The following TMEM132D variants were observed in gnomAD, a reference collection of about 807,000 sequenced individuals.
TMEM132D encodes mature OL transmembrane protein.
Under a neutral mutation model 62.3 loss-of-function variants are expected in TMEM132D, and 21 were observed. The ratio of observed to expected loss-of-function variants is 0.34; its 90% confidence interval spans 0.24 to 0.49. The LOEUF (loss-of-function observed/expected upper bound fraction) is 0.49, where lower values mean the gene tolerates loss of function less well. Ranked by LOEUF, TMEM132D falls within the 20% of genes least tolerant of loss-of-function variation. The pLI is 0.99. For missense variants in TMEM132D, 1,346 were observed against 1,402.8 expected, an observed-to-expected ratio of 0.96 and a Z score of 0.65; for synonymous variants, 621 against 575.6, an observed-to-expected ratio of 1.08 and a Z score of -1.13.
Position 129,779,329 on chromosome 12 carries a change from C to T in TMEM132D, c.80-78631G>A, listed in dbSNP as rs1042616356. Among the ~76,000 whole-genome samples, 1 of 152,188 alleles carries T rather than the reference C, an allele frequency of 6.6e-6. No homozygotes were observed. Among genetic ancestry groups the T allele is most frequent in the Non-Finnish European group, 1.5e-5 (1 of 68,040 alleles). On this transcript the variant is annotated intron_variant, in intron 1 of 8. Coordinates refer to ENST00000422113, the MANE Select transcript of TMEM132D (RefSeq NM_133448.3). The surrounding 1 kb of genome is among the most constrained non-coding windows in gnomAD (Gnocchi z 4.1). ...TTTGAGACAGGGTCTCACTTTGTCG[C>T]CCAGGCTGGAGAGCAGTGGTGTTAT...
intron 4 of TMEM132D, among the ~76,000 whole-genome samples, chr12:129,271,781 G>A (rs570022198): frequency 2.0e-5 from 3 of 151,934 alleles, no homozygotes; most frequent in East Asian, 3.9e-4. Context: ...TGGTATATGT[G>A]TGCCACATTT....
At position 129,346,681 on chromosome 12, in the gene TMEM132D, TC is replaced by T. The variant is rs1331980362; in HGVS notation, c.1116-8865del. On this transcript the variant is annotated intron_variant, in intron 3 of 8. Coordinates refer to ENST00000422113, the MANE Select transcript of TMEM132D (RefSeq NM_133448.3). ...GGATGTCCTCTCTCACCACTCCTAT[TC>T]AACACAGTATTGGAAGTTCTGGCCA... Among the ~76,000 whole-genome samples, 13 of 152,230 alleles carry T rather than the reference TC, an allele frequency of 8.5e-5. No homozygotes were observed. The East Asian group carries it at 2.5e-3, about 29-fold the overall frequency.
chr12:129,831,490 T>A (rs923515955), intron 1 of TMEM132D, among the ~76,000 whole-genome samples: 9 of 152,194 alleles, frequency 5.9e-5, no homozygotes, highest in Non-Finnish European at 1.2e-4. Context: ...TGATCCCGGA[T>A]GGGGATTATG....
intron 3 of TMEM132D, among the ~76,000 whole-genome samples, chr12:129,504,384 T>C (rs1875267134): frequency 6.6e-6 from 1 of 152,214 alleles, no homozygotes. Flanking sequence ...CTGAACTATT[T>C]TCTTGGTAAT....
intron 5 of TMEM132D, among the ~76,000 whole-genome samples, chr12:129,106,750 C>T (rs775645624): frequency 2.5e-4 from 38 of 152,256 alleles, no homozygotes; most frequent in Admixed American, 4.6e-4. Flanking sequence ...GGAGTAGAAG[C>T]GATGGGTGTC....
intron 3 of TMEM132D, 45 bp from the exon 4 acceptor site, chr12:129,337,862 G>A (rs926052625): frequency 6.5e-7 from 1 of 1,537,458 alleles, no homozygotes; most frequent in Non-Finnish European, 8.7e-7. Context: ...GGACTGATGA[G>A]GTATGGCACG....
At chr12:129,760,188 T>G (rs185479481) in intron 1 of TMEM132D, among the ~76,000 whole-genome samples, 1 of 152,248 alleles carries the variant, frequency 6.6e-6, no homozygotes, top group Non-Finnish European at 1.5e-5. Context: ...ATTACAGGCA[T>G]GAGCCACTGT....
At chr12:129,670,921 A>G (rs898102659) in intron 2 of TMEM132D, among the ~76,000 whole-genome samples, 1 of 152,202 alleles carries the variant, frequency 6.6e-6, no homozygotes, top group Non-Finnish European at 1.5e-5. Context: ...GGGAGGATAT[A>G]CATATTTACA....
At chr12:129,250,730 T>A (rs1453039902) in intron 4 of TMEM132D, among the ~76,000 whole-genome samples, 1 of 152,192 alleles carries the variant, frequency 6.6e-6, no homozygotes, top group East Asian at 1.9e-4. Flanking sequence ...CTGGGGAGGA[T>A]GACCAAGCCC....
At chr12:129,246,771 A>G (rs1880129315) in intron 4 of TMEM132D, among the ~76,000 whole-genome samples, 1 of 151,708 alleles carries the variant, frequency 6.6e-6, no homozygotes. Flanking sequence ...ATCTCAAAAA[A>G]AAAAAAAAGA....
chr12:129,711,144 T>C (rs1214573488), intron 1 of TMEM132D, among the ~76,000 whole-genome samples: 2 of 152,226 alleles, frequency 1.3e-5, no homozygotes, highest in Non-Finnish European at 2.9e-5. Flanking sequence ...TAACGCTTCA[T>C]TGGCCCCCTA....
At chr12:129,428,793 A>G (rs1324788484) in intron 3 of TMEM132D, among the ~76,000 whole-genome samples, 1 of 152,252 alleles carries the variant, frequency 6.6e-6, no homozygotes, top group Non-Finnish European at 1.5e-5. Flanking sequence ...GATGAGAACC[A>G]TGAATTAATA....
intron 2 of TMEM132D, among the ~76,000 whole-genome samples, chr12:129,632,078 G>A (rs1242536128): frequency 2.0e-5 from 3 of 152,164 alleles, no homozygotes; most frequent in Non-Finnish European, 2.9e-5. Context: ...ACATAAATAC[G>A]CTAGGACTAG....
intron 3 of TMEM132D, among the ~76,000 whole-genome samples, chr12:129,382,954 G>T (rs138936398): frequency 6.6e-6 from 1 of 152,232 alleles, no homozygotes; most frequent in African/African-American, 2.4e-5. Context: ...TAGTGGCAGA[G>T]GACATAACCC....
intron 3 of TMEM132D, among the ~76,000 whole-genome samples, chr12:129,516,058 T>C (rs1232162021): frequency 6.6e-6 from 1 of 152,192 alleles, no homozygotes; most frequent in East Asian, 1.9e-4. Context: ...TGCATTCACT[T>C]CCTCCATCCT....
intron 1 of TMEM132D, among the ~76,000 whole-genome samples, chr12:129,887,110 T>A (rs1002253988): frequency 2.6e-5 from 4 of 152,182 alleles, no homozygotes; most frequent in Admixed American, 2.6e-4. Flanking sequence ...GATCTGAGTA[T>A]AGAGAACTAT....
Position 129,209,634 on chromosome 12 carries a change from G to A in TMEM132D, c.1329C>T (p.Leu443=), listed in dbSNP as rs1878967506. 6 of 1,614,170 alleles carry A rather than the reference G, an allele frequency of 3.7e-6. No homozygotes were observed. Among genetic ancestry groups the A allele is most frequent in the Non-Finnish European group, 5.1e-6 (6 of 1,180,036 alleles). ...MEAEILNTAI[L]TGKTVAVPVK... is the part of the protein sequence containing the mutation. Reference sequence around the variant, plus strand: ...CCGGGACGGCCACCGTCTTCCCCGTGAGGATGGCTGTGTTCAGGATTTCTG... The same window carrying A: ...CCGGGACGGCCACCGTCTTCCCCGTAAGGATGGCTGTGTTCAGGATTTCTG... The change falls in exon 5 of 9, where the codon CTC becomes CTT. Residue 443 remains leucine (L), a synonymous_variant. Transcript: ENST00000422113.
At chr12:129,157,163 C>A (rs919435983) in intron 5 of TMEM132D, among the ~76,000 whole-genome samples, 6 of 151,962 alleles carry the variant, frequency 3.9e-5, no homozygotes, top group Admixed American at 2.0e-4. Flanking sequence ...TCACTCCCAT[C>A]ATAACTAGCC....
At chr12:129,611,867 C>T (rs1174741224) in intron 2 of TMEM132D, among the ~76,000 whole-genome samples, 2 of 152,150 alleles carry the variant, frequency 1.3e-5, no homozygotes, top group Non-Finnish European at 2.9e-5. Context: ...GACTGTCTTC[C>T]AGCCCCTTCC....
Sources: gnomAD v4.1 joint callset for allele counts (sites outside exome capture counted in the v4.1 genomes callset) on GRCh38, gnomAD v4.1.1 for gene constraint, Gnocchi (gnomAD v3.1) non-coding constraint, MANE v1.5 for transcripts, NCBI Gene and HGNC (gene_info 2026-07-23, HGNC 2026-07-21) for gene names.